Variants in SEMA6D observed in about 807,000 individuals in gnomAD.
SEMA6D encodes the protein semaphorin 6D.
In SEMA6D, 35 loss-of-function variants were observed where a neutral mutation model predicts 106.6. The observed-to-expected ratio is 0.33, with a 90% confidence interval of 0.25 to 0.44. SEMA6D has a LOEUF of 0.44. Ranked by LOEUF, SEMA6D falls within the 20% of genes least tolerant of loss-of-function variation. The pLI is 1.00. For synonymous variants in SEMA6D, 499 were observed against 487.7 expected, an observed-to-expected ratio of 1.02 and a Z score of -0.31; for missense variants, 1,185 against 1,345.9, an observed-to-expected ratio of 0.88 and a Z score of 1.87.
chr15:47,331,949 G>A (rs1166348519), intron 1 of SEMA6D, among the ~76,000 whole-genome samples: 1 of 152,100 alleles, frequency 6.6e-6, no homozygotes, highest in Non-Finnish European at 1.5e-5. Flanking sequence ...ACATGGTCTT[G>A]GAATGAAGAG....
At chr15:47,237,463 C>G (rs940688403) in intron 1 of SEMA6D, among the ~76,000 whole-genome samples, 8 of 151,964 alleles carry the variant, frequency 5.3e-5, no homozygotes, top group Non-Finnish European at 1.5e-5. Context: ...TCAAATTGCA[C>G]TATGTAGAGA....
At chr15:47,239,642 C>G (rs1566944994) in intron 1 of SEMA6D, among the ~76,000 whole-genome samples, 1 of 152,180 alleles carries the variant, frequency 6.6e-6, no homozygotes, top group Non-Finnish European at 1.5e-5. Context: ...CTCCATCATA[C>G]TGAGTGTAGA....
intron 3 of SEMA6D, among the ~76,000 whole-genome samples, chr15:47,530,408 GA>G (rs1239194016): frequency 6.6e-6 from 1 of 152,136 alleles, no homozygotes; most frequent in South Asian, 2.1e-4. Context: ...ACAAAATTAA[GA>G]ACTTCATAAT....
At position 47,349,417 on chromosome 15, in the gene SEMA6D, A is replaced by G. The variant is rs1028726219; in HGVS notation, c.-238-62976A>G. Among the ~76,000 whole-genome samples, 5 of 152,192 alleles carry G rather than the reference A, an allele frequency of 3.3e-5. No individual in the cohort carries two copies. The East Asian group carries it at 9.6e-4, about 29-fold the overall frequency. On this transcript the variant is annotated intron_variant, in intron 1 of 19. Coordinates refer to the SEMA6D transcript ENST00000558014. ...CATGTTGGTGCATCTGGTTAAGCCC[A>G]GAGAAGAGACATTCGCAGATGTGGG...
intron 1 of SEMA6D, among the ~76,000 whole-genome samples, chr15:47,327,321 G>C (rs970370646): frequency 6.6e-6 from 1 of 152,172 alleles, no homozygotes; most frequent in Non-Finnish European, 1.5e-5. Flanking sequence ...GCATTGATAA[G>C]CATAATATAA....
At chr15:47,737,757 C>G (rs1161301188) in intron 1 of SEMA6D, among the ~76,000 whole-genome samples, 2 of 152,094 alleles carry the variant, frequency 1.3e-5, no homozygotes, top group Non-Finnish European at 1.5e-5. Context: ...CTACTTTAGA[C>G]TATTTGCTAA....
chr15:47,207,028 C>T (rs998372494), intron 1 of SEMA6D, among the ~76,000 whole-genome samples: 1 of 152,088 alleles, frequency 6.6e-6, no homozygotes, highest in African/African-American at 2.4e-5. Flanking sequence ...CAGGAGAAAA[C>T]TTCAAAAAAG....
chr15:47,696,567 G>A (rs1263262479), intron 4 of SEMA6D, among the ~76,000 whole-genome samples: 2 of 152,294 alleles, frequency 1.3e-5, no homozygotes, highest in East Asian at 3.9e-4. Context: ...AAGGATGCAG[G>A]GAGTGGTAAG....
intron 1 of SEMA6D, among the ~76,000 whole-genome samples, chr15:47,742,388 C>T (rs1323504012): frequency 5.3e-5 from 8 of 152,114 alleles, no homozygotes; most frequent in Non-Finnish European, 1.2e-4. Flanking sequence ...GAGCAGCCAG[C>T]GGTGCCTTGC....
At chr15:47,477,465 A>G (rs1339820998) in intron 3 of SEMA6D, among the ~76,000 whole-genome samples, 11 of 152,214 alleles carry the variant, frequency 7.2e-5, no homozygotes, top group Admixed American at 7.2e-4. Flanking sequence ...ATGACCTGGA[A>G]TAACCCACTT....
chr15:47,718,028 C>G (rs1216342427), intron 1 of SEMA6D, among the ~76,000 whole-genome samples: 1 of 152,194 alleles, frequency 6.6e-6, no homozygotes, highest in Non-Finnish European at 1.5e-5. Flanking sequence ...GGAGGCCCTC[C>G]TCCACTGTGC....
At chr15:47,228,039 G>A (rs2031909767) in intron 1 of SEMA6D, among the ~76,000 whole-genome samples, 1 of 134,140 alleles carries the variant, frequency 7.5e-6, no homozygotes, top group African/African-American at 2.7e-5. Context: ...ATATATATAA[G>A]AATCTTATAT....
At chr15:47,651,991 G>A (rs141933191) in intron 4 of SEMA6D, among the ~76,000 whole-genome samples, 41 of 152,220 alleles carry the variant, frequency 2.7e-4, no homozygotes, top group African/African-American at 8.2e-4. Context: ...AAAAAGGAAC[G>A]TTTCTCTAAT....
At chr15:47,697,255 C>T (rs931099345) in intron 4 of SEMA6D, among the ~76,000 whole-genome samples, 4 of 152,098 alleles carry the variant, frequency 2.6e-5, no homozygotes, top group African/African-American at 9.7e-5. Context: ...CTCTTCACTG[C>T]CAGAACAGAG....
intron 3 of SEMA6D, among the ~76,000 whole-genome samples, chr15:47,478,654 T>A (rs1357825024): frequency 6.6e-6 from 1 of 152,150 alleles, no homozygotes; most frequent in Non-Finnish European, 1.5e-5. Context: ...GAAATAATGG[T>A]GGCTTAGTCA....
chr15:47,432,562 C>CGCATATGTATATACATATACACCTATAT (rs140505147), intron 2 of SEMA6D, among the ~76,000 whole-genome samples: 1 of 43,260 alleles, frequency 2.3e-5, no homozygotes, highest in Admixed American at 2.3e-4. Flanking sequence ...TATACATATA[C>CGCATATGTATATACATATACACCTATAT]GCATATGTAT....
intron 4 of SEMA6D, among the ~76,000 whole-genome samples, chr15:47,693,232 A>T (rs2145793157): frequency 6.6e-6 from 1 of 152,186 alleles, no homozygotes; most frequent in East Asian, 1.9e-4. Flanking sequence ...AGACATAGGG[A>T]GGAGACCACC....
rs141398817 is a variant in SEMA6D at position 47,436,322 on chromosome 15, G to A, written c.-159+23850G>A. Among the ~76,000 whole-genome samples, 1,401 of 151,722 alleles carry A rather than the reference G, an allele frequency of 9.2e-3. 12 individuals carry two copies. Among genetic ancestry groups the A allele is most frequent in the African/African-American group, 0.032 (1,320 of 41,370 alleles). ...GGACCATCGCTTCAACCCAGGAAGC[G>A]GAGGTTGCAATGAGCTGAGATTATG... On this transcript the variant is annotated intron_variant, in intron 2 of 19. Transcript: ENST00000558014.
At chr15:47,349,935 C>G (rs548248564) in intron 1 of SEMA6D, among the ~76,000 whole-genome samples, 46 of 152,156 alleles carry the variant, frequency 3.0e-4, no homozygotes, top group Non-Finnish European at 4.8e-4. Flanking sequence ...AACACAACAA[C>G]AGGAAATTAA....
Sources: allele counts gnomAD v4.1 joint callset (sites outside exome capture counted in the v4.1 genomes callset), GRCh38; gene constraint gnomAD v4.1.1; transcripts MANE v1.5; gene names NCBI Gene and HGNC (gene_info 2026-07-23, HGNC 2026-07-21).